The following TMEM164 variants were observed in gnomAD, a reference collection of about 807,000 sequenced individuals.
TMEM164 encodes the protein RP13-360B22.2.
A neutral mutation model predicts 18.8 loss-of-function variants in TMEM164; 4 were observed. The observed-to-expected ratio is 0.21, with a 90% CI of 0.10 to 0.49. The LOEUF is 0.49. Ranked by LOEUF, TMEM164 falls within the 20% of genes least tolerant of loss-of-function variation. TMEM164 has a pLI of 0.98. For missense variants in TMEM164, 108 were observed against 239.9 expected (o/e 0.45, Z 3.63); for synonymous variants, 86 against 101.7 (o/e 0.85, Z 0.93).
At chrX:110,122,031 C>T (rs2066456474) in intron 4 of TMEM164, among the ~76,000 whole-genome samples, 1 of 111,536 alleles carries the variant, frequency 9.0e-6, no homozygotes, top group Non-Finnish European at 1.9e-5. Flanking sequence ...TTCTTTTGAG[C>T]ATCTCTTTAA....
chrX:110,161,599 A>G (rs1192956491), intron 5 of TMEM164, among the ~76,000 whole-genome samples: 1 of 111,866 alleles, frequency 8.9e-6, no homozygotes, highest in Non-Finnish European at 1.9e-5. Context: ...GGTTAAGTCA[A>G]GTGTTTTCTG....
chrX:110,027,763 A>C (rs184360310), intron 2 of TMEM164, among the ~76,000 whole-genome samples: 1,528 of 110,654 alleles, frequency 0.014, 24 homozygotes, highest in African/African-American at 0.047. Context: ...CCGTCTCAAA[A>C]AAAATAAAAA....
At chrX:110,158,359 G>A (rs751621092) in intron 5 of TMEM164, among the ~76,000 whole-genome samples, 130 of 111,994 alleles carry the variant, frequency 1.2e-3, no homozygotes, top group Middle Eastern at 9.3e-3. Flanking sequence ...GGAGGTGCAG[G>A]ACATCTGGCT....
At chrX:110,154,783 C>T (rs576788584) in intron 5 of TMEM164, among the ~76,000 whole-genome samples, 88 of 111,832 alleles carry the variant, frequency 7.9e-4, no homozygotes, top group Admixed American at 1.9e-3. Flanking sequence ...GCTGCCTGTC[C>T]ATGGAGTCGC....
chrX:110,083,499 G>A (rs1041167143), intron 3 of TMEM164, among the ~76,000 whole-genome samples: 1 of 110,667 alleles, frequency 9.0e-6, no homozygotes, highest in Admixed American at 9.7e-5. Context: ...GCAGCCTAGC[G>A]CATTACCCAC....
intron 2 of TMEM164, among the ~76,000 whole-genome samples, chrX:110,027,863 T>G (rs1181943203): frequency 8.9e-6 from 1 of 112,536 alleles, no homozygotes; most frequent in African/African-American, 3.2e-5. Flanking sequence ...TCAGGTTTTC[T>G]TATTAAGTTT....
chrX:110,007,708 T>G (rs942642086), intron 2 of TMEM164, among the ~76,000 whole-genome samples: 6 of 112,508 alleles, frequency 5.3e-5, no homozygotes, highest in Non-Finnish European at 1.1e-4. Context: ...AAATGCTAGA[T>G]AGTTTGACTG....
At chrX:110,120,604 G>A (rs776393772) in intron 4 of TMEM164, among the ~76,000 whole-genome samples, 17 of 111,707 alleles carry the variant, frequency 1.5e-4, no homozygotes, top group Non-Finnish European at 3.0e-4. Flanking sequence ...TTTGTGTTGG[G>A]AACATTCAAA....
intron 3 of TMEM164, among the ~76,000 whole-genome samples, chrX:110,105,780 A>AGAGAAC (rs1348936140): frequency 4.6e-5 from 5 of 107,529 alleles, no homozygotes; most frequent in Non-Finnish European, 7.7e-5. Flanking sequence ...AGAGAGAGAG[A>AGAGAAC]GAGAGAGAGA....
rs146958664 is a variant in TMEM164, at chrX:110,060,613, T to G, written c.391-6734T>G. Among the ~76,000 whole-genome samples, 460 of 111,949 alleles carry G rather than the reference T, an allele frequency of 4.1e-3. 1 individual carries two copies. The highest frequency in any genetic ancestry group is 0.014 in the African/African-American group (422 of 30,876). ...ACTTAACTACAGTCTTTATTTGGGT[T>G]TTACCAGTTTTTTTCACAAATGTCC... On this transcript the variant is annotated intron_variant, in intron 2 of 6. Transcript: ENST00000372068.
chrX:110,058,581 GTCCCC>G (rs1226740976), intron 2 of TMEM164, among the ~76,000 whole-genome samples: 3 of 99,484 alleles, frequency 3.0e-5, no homozygotes, highest in Non-Finnish European at 6.1e-5. Context: ...CATTCTTTGG[GTCCCC>G]TCCCCTCCCC....
intron 3 of TMEM164, among the ~76,000 whole-genome samples, chrX:110,076,251 A>G (rs1378538907): frequency 1.8e-5 from 2 of 110,241 alleles, no homozygotes; most frequent in Non-Finnish European, 3.8e-5. Context: ...AGATTTTCTA[A>G]TTTGTGGGCA....
intron 5 of TMEM164, among the ~76,000 whole-genome samples, chrX:110,157,586 A>C (rs1042352730): frequency 9.0e-6 from 1 of 111,708 alleles, no homozygotes; most frequent in Non-Finnish European, 1.9e-5. Context: ...ATGAATTACA[A>C]GTTGATGACA....
chrX:110,169,986 A>C (rs2067208531), intron 5 of TMEM164, among the ~76,000 whole-genome samples: 1 of 111,832 alleles, frequency 8.9e-6, no homozygotes, highest in Non-Finnish European at 1.9e-5. Context: ...TGAAGCCCAA[A>C]GCCCTCAGCA....
In TMEM164 at chrX:110,051,593, A is replaced by AGAAAG. The variant is rs1555991741; in HGVS notation, c.391-15754_391-15753insGAAAG. Reference sequence around the variant, plus strand: ...GAGGTAACTTTCTTTCAAAAAAAAAAAAAGAAAGAAAGAAAGAAAGAAAGA... The same window carrying AGAAAG: ...GAGGTAACTTTCTTTCAAAAAAAAAAGAAAGAAAGAAAGAAAGAAAGAAAGAAAGA... On this transcript the variant is annotated intron_variant, in intron 2 of 6. Transcript: ENST00000372068. Among the ~76,000 whole-genome samples the AGAAAG allele has an allele frequency of 4.9e-5, 5 of 102,960 alleles. No individual in the cohort carries two copies. In the Admixed American group the frequency reaches 5.3e-4, roughly 11 times the overall value. 89.4% of individuals were successfully genotyped at this position (102,960 alleles called of 115,157 possible). A position where few individuals can be genotyped will look rare whatever the true frequency, so the allele number is the denominator to read the frequency against.
At chrX:110,158,791 G>T (rs1288615258) in intron 5 of TMEM164, among the ~76,000 whole-genome samples, 2 of 111,913 alleles carry the variant, frequency 1.8e-5, no homozygotes, top group African/African-American at 6.5e-5. Context: ...TGTGCACGAC[G>T]AAATACACAT....
rs753725085 is a variant in TMEM164 at position 110,127,513 on chromosome X, CAAACA to C, written c.508-17258_508-17254del. On this transcript the variant is annotated intron_variant, in intron 4 of 6. Transcript: ENST00000372068. The stretch of plus-strand genomic sequence containing the variant: ...GGGCAACAAGAGCAAAACTCCGTCT[CAAACA>C]AAACAAAACAAAACAAAACAAAACA... 1.6e-3 allele frequency among the ~76,000 whole-genome samples: 179 copies of C among 111,762 alleles called. 2 individuals carry two copies. The highest frequency in any genetic ancestry group is 4.9e-3 in the African/African-American group (150 of 30,791).
At chrX:110,159,644 T>G (rs1221428377) in intron 5 of TMEM164, among the ~76,000 whole-genome samples, 1 of 110,887 alleles carries the variant, frequency 9.0e-6, no homozygotes, top group East Asian at 2.8e-4. Context: ...TGAGGTGAAT[T>G]CAATGACCTG....
At chrX:110,091,864 C>T (rs2065934896) in intron 3 of TMEM164, among the ~76,000 whole-genome samples, 1 of 112,183 alleles carries the variant, frequency 8.9e-6, no homozygotes, top group African/African-American at 3.2e-5. Context: ...AGTCTTTAAT[C>T]CATCTTGAAT....
Sources: gnomAD v4.1 joint callset for allele counts (sites outside exome capture counted in the v4.1 genomes callset) on GRCh38, gnomAD v4.1.1 for gene constraint, MANE v1.5 for transcripts, NCBI Gene and HGNC (gene_info 2026-07-23, HGNC 2026-07-21) for gene names.